Variants in SEMA3D observed in about 807,000 individuals in gnomAD.
SEMA3D encodes semaphorin 3D, also known as semaphorin-3D.
A neutral mutation model predicts 100.1 loss-of-function variants in SEMA3D; 84 were observed. The observed-to-expected ratio is 0.84, with a 90% CI of 0.70 to 1.01. SEMA3D has a LOEUF of 1.01. Among genes scored for constraint, SEMA3D ranks in the 50% least tolerant of loss-of-function variants. SEMA3D has a pLI of 0.00. For synonymous variants in SEMA3D, 312 were observed against 320.7 expected (o/e 0.97, Z 0.29); for missense variants, 875 against 934.1 (o/e 0.94, Z 0.82).
chr7:85,228,799 C>A, the SEMA3D span, among the ~76,000 whole-genome samples: 1 of 152,004 alleles, frequency 6.6e-6, no homozygotes, highest in African/African-American at 2.4e-5. Context: ...GAGAAGAAAT[C>A]ATGAACACAT....
chr7:85,061,040 G>A (rs1320616802), intron 8 of SEMA3D, among the ~76,000 whole-genome samples: 1 of 152,104 alleles, frequency 6.6e-6, no homozygotes, highest in Non-Finnish European at 1.5e-5. Flanking sequence ...ACCCTAGTTT[G>A]CATCTATATT....
Position 85,020,230 on chromosome 7 carries a change from T to A in SEMA3D, c.1503+3A>T. On this transcript the variant is annotated splice_donor_region_variant and intron_variant, in intron 14 of 18. Coordinates refer to ENST00000284136, the MANE Select transcript of SEMA3D (RefSeq NM_001384900.1). ...TCTCCTGGCACTCTGGACTGAGTCTTACCTTGAATATCTGCAACTCCTCCA... is the reference window on the plus strand; with the variant it reads ...TCTCCTGGCACTCTGGACTGAGTCTAACCTTGAATATCTGCAACTCCTCCA... 6.3e-7 allele frequency: 1 copy of A among 1,599,218 alleles called. No homozygotes were observed.
intron 1 of SEMA3D, chr7:85,157,585 CTT>C (rs1243740082): frequency 6.5e-5 from 50 of 763,512 alleles, no homozygotes; most frequent in Non-Finnish European, 7.8e-5. Flanking sequence ...TCATATTTCT[CTT>C]GTTACTTGTA....
chr7:85,198,435 A>C, the SEMA3D span, among the ~76,000 whole-genome samples: 2 of 152,020 alleles, frequency 1.3e-5, no homozygotes, highest in Non-Finnish European at 2.9e-5. Context: ...CTTTGGGATT[A>C]TTCAGGAATA....
the SEMA3D span, among the ~76,000 whole-genome samples, chr7:85,209,787 C>T: frequency 6.6e-6 from 1 of 152,068 alleles, no homozygotes; most frequent in Non-Finnish European, 1.5e-5. Context: ...GCTTGAAACA[C>T]TTTATGTGCA....
intron 1 of SEMA3D, among the ~76,000 whole-genome samples, chr7:85,168,914 T>TA (rs948023029): frequency 6.6e-6 from 1 of 151,222 alleles, no homozygotes; most frequent in Admixed American, 6.6e-5. Context: ...AGGAGGGCAG[T>TA]AAAGTGTTGG....
upstream of SEMA3D, among the ~76,000 whole-genome samples, chr7:85,188,627 T>G (rs1791626845): frequency 6.6e-6 from 1 of 152,218 alleles, no homozygotes; most frequent in African/African-American, 2.4e-5. Flanking sequence ...AGTTTTTGAT[T>G]TTTAGAAAAT....
At chr7:85,046,205 G>A (rs1196184256) in intron 9 of SEMA3D, among the ~76,000 whole-genome samples, 2 of 151,716 alleles carry the variant, frequency 1.3e-5, no homozygotes, top group Admixed American at 1.3e-4. Flanking sequence ...ATGAGCAATC[G>A]TATCCTCTTT....
chr7:85,155,809 C>A (rs1234665730), intron 1 of SEMA3D, among the ~76,000 whole-genome samples: 1 of 152,018 alleles, frequency 6.6e-6, no homozygotes, highest in African/African-American at 2.4e-5. Context: ...AAGTAATGAG[C>A]CCTTGATATC....
intron 10 of SEMA3D, chr7:85,041,062 CTTT>C (rs72214529): frequency 1.9e-3 from 288 of 151,870 alleles, no homozygotes; most frequent in Middle Eastern, 5.9e-3. Flanking sequence ...ATTAATTTGC[CTTT>C]TTTTTTTTTT....
At chr7:85,216,302 T>C in the SEMA3D span, among the ~76,000 whole-genome samples, 73 of 151,930 alleles carry the variant, frequency 4.8e-4, no homozygotes, top group African/African-American at 1.7e-3. Context: ...CAAGTAAAAA[T>C]AATTTTACAT....
At chr7:85,098,161 A>G (rs762537047) in intron 3 of SEMA3D, among the ~76,000 whole-genome samples, 196 bp from the exon 4 acceptor site, 1 of 151,838 alleles carries the variant, frequency 6.6e-6, no homozygotes, top group Non-Finnish European at 1.5e-5. Flanking sequence ...CTAAATATAC[A>G]TATTGTCCCA....
intron 2 of SEMA3D, chr7:85,144,612 C>T (rs1006658259): frequency 1.6e-5 from 16 of 984,018 alleles, no homozygotes; most frequent in Non-Finnish European, 1.8e-5. Flanking sequence ...AGAATTTATA[C>T]ACATATATAC....
chr7:85,206,043 C>T, the SEMA3D span, among the ~76,000 whole-genome samples: 1 of 152,052 alleles, frequency 6.6e-6, no homozygotes, highest in Non-Finnish European at 1.5e-5. Context: ...AGCTGAGTTC[C>T]GTGAAAACTA....
At chr7:85,232,114 G>T in the SEMA3D span, among the ~76,000 whole-genome samples, 1 of 152,138 alleles carries the variant, frequency 6.6e-6, no homozygotes, top group Non-Finnish European at 1.5e-5. Flanking sequence ...AGGAGTGTTG[G>T]CTACGAAAAA....
At chr7:85,019,575 G>A (rs1173985371) in intron 14 of SEMA3D, among the ~76,000 whole-genome samples, 1 of 151,532 alleles carries the variant, frequency 6.6e-6, no homozygotes, top group African/African-American at 2.4e-5. Context: ...AATAAACAAA[G>A]CATATTTTTA....
the SEMA3D span, among the ~76,000 whole-genome samples, chr7:85,223,329 A>T: frequency 6.6e-6 from 1 of 152,078 alleles, no homozygotes; most frequent in East Asian, 1.9e-4. Flanking sequence ...CTTTTGCACC[A>T]ACCTCATAAA....
chr7:85,028,070 C>A, intron 12 of SEMA3D: 1 of 605,436 alleles, frequency 1.7e-6, no homozygotes, highest in South Asian at 1.6e-5. Context: ...TTGATGATGC[C>A]ATTGTCCAGT....
chr7:85,242,321 T>C, the SEMA3D span, among the ~76,000 whole-genome samples: 2 of 152,238 alleles, frequency 1.3e-5, no homozygotes, highest in Non-Finnish European at 1.5e-5. Flanking sequence ...TAAATTGTAC[T>C]CTCATCACTG....
Sources: gnomAD v4.1 joint callset for allele counts (sites outside exome capture counted in the v4.1 genomes callset) on GRCh38, gnomAD v4.1.1 for gene constraint, MANE v1.5 for transcripts, NCBI Gene and HGNC (gene_info 2026-07-23, HGNC 2026-07-21) for gene names.